The following PRF1 variants were observed in gnomAD, a reference collection of about 807,000 sequenced individuals.
The protein encoded by PRF1 is perforin 1, also known as perforin-1.
PRF1 carries 11 observed loss-of-function variants against 11.7 expected under a neutral mutation model. That is an observed-to-expected ratio of 0.94 (90% confidence interval 0.59 to 1.56). The LOEUF is 1.56. Ranked by LOEUF, PRF1 falls within the 40% of genes most tolerant of loss-of-function variation. The probability of loss-of-function intolerance (pLI) is 0.00; values close to 1 mark genes in which losing one functional copy is unlikely to be tolerated. For synonymous variants in PRF1, 314 were observed against 327.8 expected (o/e 0.96, Z 0.45); for missense variants, 729 against 751.0 (o/e 0.97, Z 0.34).
Position 70,598,530 on chromosome 10 carries a change from G to GCA in PRF1, c.1189_1190dup (p.His398AlafsTer23), listed in dbSNP as rs1361687182. 6.2e-7 allele frequency: 1 copy of GCA among 1,613,324 alleles called. No homozygotes were observed. The stretch of plus-strand genomic sequence containing the variant: ...CCTGGGTGGTGACCGCTGAGCCATG[G>GCA]CACACACACTGGCATGGGTCTCGGG... On this transcript the variant is annotated frameshift_variant, in exon 3 of 3. Coordinates refer to ENST00000441259, the MANE Select transcript of PRF1 (RefSeq NM_001083116.3). LOFTEE classifies it low-confidence loss of function (END_TRUNC).
chr10:70,597,932 G>T lies in PRF1; in HGVS notation c.*121C>A. 1 of 1,298,310 alleles carries T rather than the reference G, an allele frequency of 7.7e-7. No homozygotes were observed. Among genetic ancestry groups the T allele is most frequent in the Non-Finnish European group, 1.1e-6 (1 of 924,106 alleles). The allele number at this position is 1,298,310 out of a possible 1,614,324, so 80.4% of individuals were successfully genotyped here. On this transcript the variant is annotated 3_prime_UTR_variant, in exon 3 of 3. Transcript: ENST00000441259. ...TTGGGCCGCATTCAAAGCCATCCTGGGCCGCATGCGGGCCTCGGGTTGGAC... is the reference window on the plus strand; with the variant it reads ...TTGGGCCGCATTCAAAGCCATCCTGTGCCGCATGCGGGCCTCGGGTTGGAC...
In PRF1 at chr10:70,597,992, G is replaced by T. The variant is rs1848151656; in HGVS notation, c.*61C>A. ...CTAATGGGAATACGAAGACAGCCCTGGCTCCCACTGTGAGAACCCCTTCAG... is the reference window on the plus strand; with the variant it reads ...CTAATGGGAATACGAAGACAGCCCTTGCTCCCACTGTGAGAACCCCTTCAG... On this transcript the variant is annotated 3_prime_UTR_variant, in exon 3 of 3. Coordinates refer to ENST00000441259, the MANE Select transcript of PRF1 (RefSeq NM_001083116.3). 2 of 1,591,784 alleles carry T rather than the reference G, an allele frequency of 1.3e-6. No homozygotes were observed. The highest frequency in any genetic ancestry group is 1.7e-6 in the Non-Finnish European group (2 of 1,171,336).
rs144005524 is a variant in PRF1, at chr10:70,601,072, T to C, written c.-30-140A>G. On this transcript the variant is annotated intron_variant, in intron 1 of 2. Coordinates refer to ENST00000441259, the MANE Select transcript of PRF1 (RefSeq NM_001083116.3). Reference sequence around the variant, plus strand: ...TGAATGTCAGAGCTGGTATGTCCCTTATAGGCCTGGTTCAGCCCCCACATT... The same window carrying C: ...TGAATGTCAGAGCTGGTATGTCCCTCATAGGCCTGGTTCAGCCCCCACATT... 2.4e-4 allele frequency: 312 copies of C among 1,289,898 alleles called. 1 individual carries two copies. The East Asian group carries it at 7.9e-3, about 33-fold the overall frequency. The allele number at this position is 1,289,898 out of a possible 1,614,324, so 79.9% of individuals were successfully genotyped here. A position where few individuals can be genotyped will look rare whatever the true frequency, so the allele number is the denominator to read the frequency against.
chr10:70,599,769 C>T (rs1848190413), intron 2 of PRF1, among the ~76,000 whole-genome samples: 1 of 152,214 alleles, frequency 6.6e-6, no homozygotes, highest in Non-Finnish European at 1.5e-5. Flanking sequence ...ACGTGGCCCC[C>T]AGGTCTGATG....
intron 1 of PRF1, among the ~76,000 whole-genome samples, chr10:70,601,828 C>CAAAAAAAAAAAAAAAAAAAAAGAAA (rs71472987): frequency 2.8e-4 from 1 of 3,520 alleles, no homozygotes; most frequent in African/African-American, 1.1e-3. Context: ...GACTCTGCCT[C>CAAAAAAAAAAAAAAAAAAAAAGAAA]AAAAAAAAAA....
In PRF1 at chr10:70,599,575, C is replaced by T. The variant is rs369456199; in HGVS notation, c.540-394G>A. On this transcript the variant is annotated intron_variant, in intron 2 of 2. Coordinates refer to ENST00000441259, the MANE Select transcript of PRF1 (RefSeq NM_001083116.3). The stretch of plus-strand genomic sequence containing the variant: ...GACCAGCCTGGGCAACATAGTGAGA[C>T]CCCATCTCTATTTTTTTTTTAAGAA... Among the ~76,000 whole-genome samples the T allele has an allele frequency of 1.2e-3, 182 of 151,888 alleles. No homozygotes were observed. The Middle Eastern group carries it at 0.024, about 20-fold the overall frequency.
rs745970558 is a variant in PRF1, at chr10:70,598,332, C to T, written c.1389G>A (p.Val463=). ...VWDNNNPIWS[V]RLDFGDVLLA... The stretch of plus-strand genomic sequence containing the variant: ...GGAGCACATCCCCAAAATCCAGCCG[C>T]ACTGACCAGATGGGGTTGTTATTGT... The change falls in exon 3 of 3, where the codon GTG becomes GTA. Residue 463 remains valine, a synonymous_variant. Coordinates refer to ENST00000441259, the MANE Select transcript of PRF1 (RefSeq NM_001083116.3). The T allele has an allele frequency of 6.8e-6, 11 of 1,614,210 alleles. 2 individuals are homozygous for T. In the South Asian group the frequency reaches 1.1e-4, roughly 16 times the overall value.
Position 70,597,921 on chromosome 10 carries a change from A to G in PRF1, c.*132T>C, listed in dbSNP as rs944460197. ...GCGAATTTGCGTTGGGCCGCATTCA[A>G]AGCCATCCTGGGCCGCATGCGGGCC... On this transcript the variant is annotated 3_prime_UTR_variant, in exon 3 of 3. Transcript: ENST00000441259. The G allele has an allele frequency of 8.4e-7, 1 of 1,192,522 alleles. No individual in the cohort carries two copies. The highest frequency in any genetic ancestry group is 1.5e-5 in the African/African-American group (1 of 66,030). The allele number at this position is 1,192,522 out of a possible 1,614,324, so 73.9% of individuals were successfully genotyped here. A position where few individuals can be genotyped will look rare whatever the true frequency, so the allele number is the denominator to read the frequency against.
chr10:70,601,026 A>G, intron 1 of PRF1, 94 bp from the exon 2 acceptor site: 1 of 1,465,640 alleles, frequency 6.8e-7, no homozygotes, highest in Non-Finnish European at 9.1e-7. Flanking sequence ...GGGCTGAGAT[A>G]TCTCTTAAGT....
chr10:70,601,671 A>G (rs1848231835), intron 1 of PRF1, among the ~76,000 whole-genome samples: 3 of 151,804 alleles, frequency 2.0e-5, no homozygotes, highest in Admixed American at 2.0e-4. Context: ...TTTACTAAAA[A>G]TACAAAAATT....
chr10:70,601,892 C>T (rs1488562616), intron 1 of PRF1, among the ~76,000 whole-genome samples: 2 of 150,332 alleles, frequency 1.3e-5, no homozygotes, highest in East Asian at 1.9e-4. Context: ...GGAGAGGCCT[C>T]GATGGTTGCT....
rs993779961 is a variant in PRF1, at chr10:70,599,013, G to A, written c.708C>T (p.Leu236=). 6.2e-7 allele frequency: 1 copy of A among 1,613,992 alleles called. No homozygotes were observed. Among genetic ancestry groups the A allele is most frequent in the African/African-American group, 1.3e-5 (1 of 75,060 alleles). ...CCAGCTCGCAGGTGCGCAGGGCAGT[G>A]AGGGCCGATATGCGGCCACCCAGCT... ...AVELGGRISA[L]TALRTCELAL... Residue 236 remains leucine (L), a synonymous_variant, in exon 3 of 3, where the codon CTC becomes CTT. Coordinates refer to ENST00000441259, the MANE Select transcript of PRF1 (RefSeq NM_001083116.3).
chr10:70,602,201 G>A (rs373204380), intron 1 of PRF1, among the ~76,000 whole-genome samples: 1 of 152,174 alleles, frequency 6.6e-6, no homozygotes, highest in Non-Finnish European at 1.5e-5. Flanking sequence ...TATAGCTGGA[G>A]CCTCCTGCCC....
chr10:70,597,605 C>T lies in PRF1; in HGVS notation c.*448G>A, dbSNP rs1205932691. 3.9e-5 allele frequency: 19 copies of T among 491,052 alleles called. No individual in the cohort carries two copies. The highest frequency in any genetic ancestry group is 5.6e-5 in the Non-Finnish European group (16 of 283,894). 30.4% of individuals were successfully genotyped at this position (491,052 alleles called of 1,614,324 possible). On this transcript the variant is annotated 3_prime_UTR_variant, in exon 3 of 3. Transcript: ENST00000441259. The stretch of plus-strand genomic sequence containing the variant: ...CCTTCTGCCCAGCTCCTGGCTGAAG[C>T]TGTGATCTGTGTAGCTGTGACTGCA...
chr10:70,600,695 C>A lies in PRF1; in HGVS notation c.208G>T (p.Asp70Tyr), dbSNP rs555317258. The part of the protein sequence containing the change: ...PVDTQRFLRP[D>Y]GTCTLCENAL... ...TTTTCACAGAGGGTGCAGGTGCCGT[C>A]GGGCCGCAGGAACCTTTGTGTGTCC... Residue 70 changes from aspartate (D) to tyrosine (Y), a missense_variant, in exon 2 of 3, where the codon GAC becomes TAC. Coordinates refer to ENST00000441259, the MANE Select transcript of PRF1 (RefSeq NM_001083116.3). The surrounding 1 kb of genome is among the most constrained non-coding windows in gnomAD (Gnocchi z 4.9). 4 of 1,613,848 alleles carry A rather than the reference C, an allele frequency of 2.5e-6. No individual in the cohort carries two copies. Among genetic ancestry groups the A allele is most frequent in the Non-Finnish European group, 3.4e-6 (4 of 1,179,934 alleles).
At chr10:70,601,744 G>A (rs750962667) in intron 1 of PRF1, among the ~76,000 whole-genome samples, 6 of 147,654 alleles carry the variant, frequency 4.1e-5, no homozygotes, top group Non-Finnish European at 7.4e-5. Context: ...CAGGAGAATC[G>A]CTTGAACCCA....
In PRF1 at chr10:70,597,358, A is replaced by G. The variant is rs961985514; in HGVS notation, c.*695T>C. 3 of 263,504 alleles carry G rather than the reference A, an allele frequency of 1.1e-5. No homozygotes were observed. Among genetic ancestry groups the G allele is most frequent in the African/African-American group, 6.5e-5 (3 of 46,202 alleles). 16.3% of individuals were successfully genotyped at this position (263,504 alleles called of 1,614,324 possible). On this transcript the variant is annotated 3_prime_UTR_variant, in exon 3 of 3. Transcript: ENST00000441259. The stretch of plus-strand genomic sequence containing the variant: ...ACACCACCATGATGATCACCATAAC[A>G]TCATATTTATTGGCCCTTTATCAAG...
Position 70,599,110 on chromosome 10 carries a change from A to C in PRF1, c.611T>G (p.Phe204Cys). The change falls in exon 3 of 3, where the codon TTC becomes TGC. Residue 204 changes from phenylalanine to cysteine, a missense_variant. Transcript: ENST00000441259. ...GTAGGCGGGCTGGGTGGAGGCGTTGAAGTGGTGGGGCAGGTCCCCGAGGGC... is the reference window on the plus strand; with the variant it reads ...GTAGGCGGGCTGGGTGGAGGCGTTGCAGTGGTGGGGCAGGTCCCCGAGGGC... ...KRALGDLPHH[F>C]NASTQPAYLR... 1 of 1,614,120 alleles carries C rather than the reference A, an allele frequency of 6.2e-7. No individual in the cohort carries two copies. Among genetic ancestry groups the C allele is most frequent in the African/African-American group, 1.3e-5 (1 of 75,060 alleles).
Position 70,598,063 on chromosome 10 carries a change from G to A in PRF1, c.1658C>T (p.Ala553Val). The change falls in exon 3 of 3, where the codon GCC becomes GTC. Residue 553 changes from alanine (A) to valine (V), a missense_variant. Ala to Val is a moderately conservative substitution (Grantham distance 64). Coordinates refer to ENST00000441259, the MANE Select transcript of PRF1 (RefSeq NM_001083116.3). ...LGEPPGNRSGAVW is the reference protein window; with the variant it reads ...LGEPPGNRSGVVW ...CCAAGCTCACTGTTCTCACCACACG[G>A]CCCCACTCCGGTTTCCTGGAGGCTC... 6.2e-7 allele frequency: 1 copy of A among 1,613,504 alleles called. No homozygotes were observed. Among genetic ancestry groups the A allele is most frequent in the Non-Finnish European group, 8.5e-7 (1 of 1,180,030 alleles).
Sources: gnomAD v4.1 joint callset for allele counts (sites outside exome capture counted in the v4.1 genomes callset) on GRCh38, gnomAD v4.1.1 for gene constraint, Gnocchi (gnomAD v3.1) non-coding constraint, MANE v1.5 for transcripts, NCBI Gene and HGNC (gene_info 2026-07-23, HGNC 2026-07-21) for gene names.